MEIS3: variants seen among roughly 807,000 people sequenced by gnomAD.
MEIS3 encodes the protein Meis homeobox 3.
Under a neutral mutation model 51.4 loss-of-function variants are expected in MEIS3, and 38 were observed. The observed-to-expected ratio is 0.74, with a 90% CI of 0.57 to 0.97. The LOEUF (loss-of-function observed/expected upper bound fraction) is 0.97, where lower values mean the gene tolerates loss of function less well. Among genes scored for constraint, MEIS3 ranks in the 50% least tolerant of loss-of-function variants. MEIS3 has a pLI of 0.00. For synonymous variants in MEIS3, 198 were observed against 201.8 expected, an observed-to-expected ratio of 0.98 and a Z score of 0.16; for missense variants, 456 against 502.6, an observed-to-expected ratio of 0.91 and a Z score of 0.89.
chr19:47,410,127 T>C (rs984622452), intron 6 of MEIS3, among the ~76,000 whole-genome samples: 1 of 151,934 alleles, frequency 6.6e-6, no homozygotes, highest in African/African-American at 2.4e-5. Flanking sequence ...GCCAACATGG[T>C]GAAACCCCAT....
intron 6 of MEIS3, 23 bp from the exon 7 acceptor site, chr19:47,409,570 T>C (rs1971024334): frequency 9.4e-6 from 15 of 1,591,710 alleles, no homozygotes; most frequent in Non-Finnish European, 1.3e-5. Context: ...AGTTAGAAGT[T>C]AGTGCCAAGG....
upstream of MEIS3, among the ~76,000 whole-genome samples, chr19:47,421,396 G>A (rs576567098): frequency 1.2e-3 from 181 of 152,242 alleles, no homozygotes; most frequent in Admixed American, 1.8e-3. Context: ...AGGCAGCCAC[G>A]TCCCCCGGGG....
chr19:47,417,884 G>C (rs952789678), intron 1 of MEIS3: 1 of 591,354 alleles, frequency 1.7e-6, no homozygotes, highest in African/African-American at 1.9e-5. Context: ...ACCAACCCAC[G>C]TGCACACTCA....
intron 6 of MEIS3, among the ~76,000 whole-genome samples, chr19:47,414,382 C>T (rs899953405): frequency 2.0e-5 from 3 of 151,856 alleles, no homozygotes; most frequent in African/African-American, 7.3e-5. Context: ...GGCTGGGGGG[C>T]GTGTGTGAGT....
chr19:47,414,774 G>T lies in MEIS3; in HGVS notation c.540C>A (p.Gly180=). The change falls in exon 6 of 13, where the codon GGC becomes GGA. Residue 180 remains glycine (G), a synonymous_variant. Coordinates refer to ENST00000558555, the MANE Select transcript of MEIS3 (RefSeq NM_001301059.2). The part of the protein sequence containing the change: ...PIDLVIEDRD[G]GCREDFEDYP... ...AGTCCTCGAAGTCCTCCCTGCAGCC[G>T]CCGTCCCGATCCTCGATGACCAGGT... 6.2e-7 allele frequency: 1 copy of T among 1,613,374 alleles called. No individual in the cohort carries two copies. Among genetic ancestry groups the T allele is most frequent in the Non-Finnish European group, 8.5e-7 (1 of 1,179,900 alleles).
chr19:47,408,381 G>A (rs562629568), intron 8 of MEIS3, among the ~76,000 whole-genome samples: 8 of 151,778 alleles, frequency 5.3e-5, no homozygotes, highest in Admixed American at 2.6e-4. Flanking sequence ...CATGGCCTCC[G>A]AAAGTGCTGG....
rs1970849415 is a variant in MEIS3 at position 47,406,905 on chromosome 19, A to T, written c.1061T>A (p.Val354Glu). The T allele has an allele frequency of 6.3e-7, 1 of 1,576,414 alleles. No individual in the cohort carries two copies. The highest frequency in any genetic ancestry group is 8.6e-7 in the Non-Finnish European group (1 of 1,163,290). The change falls in exon 11 of 13, where the codon GTG (valine) becomes GAG (glutamate). Residue 354 changes from valine (V) to glutamate (E), a missense_variant. Transcript: ENST00000558555. ...IGGYTETQPH[V>E]AVRPPGSVGM... ...AGGCTTACCCGGAGGCCGGACGGCC[A>T]CGTGTGGCTGCGTCTCGGTATAGCC...
At chr19:47,407,240 G>A (rs1023020365) in intron 9 of MEIS3, 103 bp from the exon 10 acceptor site, 57 of 1,485,638 alleles carry the variant, frequency 3.8e-5, no homozygotes, top group Non-Finnish European at 4.8e-5. Flanking sequence ...GGGAGGCAGA[G>A]CGGGGCGAGC....
At chr19:47,406,550 G>A (rs1291270310) in intron 11 of MEIS3, 24 bp from the exon 12 acceptor site, 2 of 1,613,340 alleles carry the variant, frequency 1.2e-6, no homozygotes, top group African/African-American at 2.7e-5. Flanking sequence ...AAAAAGGAGG[G>A]TAAGTGCGTC....
At chr19:47,407,594 G>A in intron 8 of MEIS3, 166 bp from the exon 9 acceptor site, 1 of 1,460,868 alleles carries the variant, frequency 6.8e-7, no homozygotes, top group Non-Finnish European at 9.0e-7. Context: ...GAGACCAAGG[G>A]AGCCTCAGGC....
rs755707947 is a variant in MEIS3, at chr19:47,409,512, C to T, written c.633G>A (p.Gly211=). 2.5e-6 allele frequency: 4 copies of T among 1,614,034 alleles called. No homozygotes were observed. The highest frequency in any genetic ancestry group is 3.3e-5 in the Admixed American group (2 of 60,026). The change falls in exon 7 of 13, where the codon GGG becomes GGA. Residue 211 remains glycine, a synonymous_variant. Coordinates refer to ENST00000558555, the MANE Select transcript of MEIS3 (RefSeq NM_001301059.2). The part of the protein sequence containing the change: ...NMWIRDHEDS[G]SVHLGTPGPS... ...GACCTGGGGTCCCCAAATGTACAGA[C>T]CCACTATCCTCATGGTCTCGAATCC...
Position 47,409,449 on chromosome 19 carries a change from G to A in MEIS3, c.696C>T (p.Asn232=), listed in dbSNP as rs539124527. The A allele has an allele frequency of 6.2e-7, 1 of 1,613,672 alleles. No individual in the cohort carries two copies. Among genetic ancestry groups the A allele is most frequent in the South Asian group, 1.1e-5 (1 of 91,070 alleles). The change falls in exon 7 of 13, where the codon AAC becomes AAT. Residue 232 remains asparagine (N), a synonymous_variant. Transcript: ENST00000558555. The part of the protein sequence containing the change: ...SGGLASQSGD[N]SSDQGDGLDT... Reference sequence around the variant, plus strand: ...CAAGATTCTCACCTTGGTCACTGGAGTTGTCCCCACTCTGGGAGGCCAGGC... The same window carrying A: ...CAAGATTCTCACCTTGGTCACTGGAATTGTCCCCACTCTGGGAGGCCAGGC...
At chr19:47,414,683 G>A (rs1229077301) in intron 6 of MEIS3, 34 bp downstream of exon 6, 2 of 1,556,380 alleles carry the variant, frequency 1.3e-6, no homozygotes, top group Non-Finnish European at 8.7e-7. Context: ...AGCTGTGGCT[G>A]CAGGACGATG....
chr19:47,415,281 AAG>A (rs1043706771), intron 4 of MEIS3, among the ~76,000 whole-genome samples, 180 bp from the exon 5 acceptor site: 1 of 152,086 alleles, frequency 6.6e-6, no homozygotes, highest in African/African-American at 2.4e-5. Context: ...GCAAGGGGGA[AAG>A]AGAGAACAGA....
chr19:47,412,806 G>A (rs1384709243), intron 6 of MEIS3, among the ~76,000 whole-genome samples: 1 of 151,710 alleles, frequency 6.6e-6, no homozygotes, highest in South Asian at 2.1e-4. Context: ...CTGACCTCGT[G>A]ATCTGCCCAC....
chr19:47,418,965 G>A, intron 1 of MEIS3, 105 bp downstream of exon 1: 4 of 677,530 alleles, frequency 5.9e-6, no homozygotes, highest in Non-Finnish European at 8.3e-6. Flanking sequence ...GCGAGGTGGT[G>A]TAGAGGACGG....
rs142959818 is a variant in MEIS3 at position 47,406,301 on chromosome 19, G to A, written c.*17+159C>T. ...TGGATGGATGGATGGATGGATGGAC[G>A]GACGGACAGATGGATGAATATCTTC... On this transcript the variant is annotated intron_variant, in intron 12 of 12. Coordinates refer to ENST00000558555, the MANE Select transcript of MEIS3 (RefSeq NM_001301059.2). 3,887 of 556,242 alleles carry A rather than the reference G, an allele frequency of 7.0e-3. 24 individuals carry two copies. The highest frequency in any genetic ancestry group is 9.8e-3 in the Non-Finnish European group (3,016 of 309,062). The allele number at this position is 556,242 out of a possible 1,614,324, so 34.5% of individuals were successfully genotyped here. A position where few individuals can be genotyped will look rare whatever the true frequency, so the allele number is the denominator to read the frequency against.
intron 1 of MEIS3, 178 bp from the exon 2 acceptor site, chr19:47,417,528 C>G (rs2122566066): frequency 2.6e-6 from 2 of 778,520 alleles, no homozygotes. Context: ...TCCCCTGGAG[C>G]TGCCTCGGTG....
chr19:47,421,575 C>T (rs998585886), upstream of MEIS3, among the ~76,000 whole-genome samples: 1 of 152,062 alleles, frequency 6.6e-6, no homozygotes, highest in Admixed American at 6.5e-5. Flanking sequence ...TCTGGGGGCC[C>T]AGGTTTGCTT....
Sources: gnomAD v4.1 joint callset for allele counts (sites outside exome capture counted in the v4.1 genomes callset) on GRCh38, gnomAD v4.1.1 for gene constraint, MANE v1.5 for transcripts, NCBI Gene and HGNC (gene_info 2026-07-23, HGNC 2026-07-21) for gene names.